The following PCDHA1 variants were observed in gnomAD, a reference collection of about 807,000 sequenced individuals.
PCDHA1 encodes the protein protocadherin alpha-1.
A neutral mutation model predicts 61.3 loss-of-function variants in PCDHA1; 42 were observed. The observed-to-expected ratio is 0.69, with a 90% CI of 0.54 to 0.89. PCDHA1 has a LOEUF of 0.89. Among genes scored for constraint, PCDHA1 ranks in the 40% least tolerant of loss-of-function variants. PCDHA1 has a pLI of 0.00. For synonymous variants in PCDHA1, 610 were observed against 553.8 expected (o/e 1.10, Z -1.43); for missense variants, 1,256 against 1,235.3 (o/e 1.02, Z -0.25).
chr5:140,841,767 A>T, intron 1 of PCDHA1: 1 of 1,613,616 alleles, frequency 6.2e-7, no homozygotes, highest in Non-Finnish European at 8.5e-7. Context: ...AGAATGCCAG[A>T]CTCTCGGTTT....
At chr5:140,836,494 T>A in intron 1 of PCDHA1, 4 of 1,613,852 alleles carry the variant, frequency 2.5e-6, no homozygotes, top group Non-Finnish European at 3.4e-6. Context: ...ATCATCGCCA[T>A]CTGCGCGGTG....
intron 1 of PCDHA1, among the ~76,000 whole-genome samples, chr5:140,937,563 G>T (rs986469529): frequency 2.0e-5 from 3 of 151,960 alleles, no homozygotes; most frequent in African/African-American, 7.3e-5. Flanking sequence ...GTTGCAGTGA[G>T]CTGGGATCGC....
chr5:140,952,743 C>T lies in PCDHA1; in HGVS notation c.2395-26206C>T, dbSNP rs146786879. Reference sequence around the variant, plus strand: ...TCTGTACTAGTCTTTTCTCACACTGCTATAAAAACACCTGAGACTGGATAA... The same window carrying T: ...TCTGTACTAGTCTTTTCTCACACTGTTATAAAAACACCTGAGACTGGATAA... On this transcript the variant is annotated intron_variant, in intron 1 of 3. Coordinates refer to ENST00000504120, the MANE Select transcript of PCDHA1 (RefSeq NM_018900.4). 8.6e-3 allele frequency among the ~76,000 whole-genome samples: 1,316 copies of T among 152,264 alleles called. 10 individuals are homozygous for T. Among genetic ancestry groups the T allele is most frequent in the Middle Eastern group, 0.014 (4 of 294 alleles).
At chr5:140,839,997 G>A (rs2150302530) in intron 1 of PCDHA1, among the ~76,000 whole-genome samples, 10 of 152,064 alleles carry the variant, frequency 6.6e-5, no homozygotes, top group Non-Finnish European at 1.5e-4. Context: ...GTTAGCCTTA[G>A]CACTGAGAAG....
chr5:140,926,592 C>A, intron 1 of PCDHA1: 1 of 298,858 alleles, frequency 3.3e-6, no homozygotes, highest in Non-Finnish European at 6.1e-6. Context: ...CGCGCCCGGG[C>A]GGGCGGCCTC....
At chr5:140,965,670 G>A (rs2095922284) in intron 1 of PCDHA1, among the ~76,000 whole-genome samples, 1 of 152,144 alleles carries the variant, frequency 6.6e-6, no homozygotes, top group Non-Finnish European at 1.5e-5. Flanking sequence ...GGTGATAAAT[G>A]TAAAAGATTT....
chr5:140,814,991 T>C (rs1243130141), intron 1 of PCDHA1: 2 of 152,234 alleles, frequency 1.3e-5, no homozygotes, highest in Admixed American at 1.3e-4. Flanking sequence ...TTTTGTGTGA[T>C]GTAGCTGTTT....
chr5:140,803,490 C>T (rs782376383), intron 1 of PCDHA1: 3 of 1,614,230 alleles, frequency 1.9e-6, no homozygotes, highest in Admixed American at 1.7e-5. Flanking sequence ...AGAGGGGTTG[C>T]CCAAGACCGA....
intron 1 of PCDHA1, chr5:140,863,190 G>A (rs782460122): frequency 1.3e-6 from 1 of 798,634 alleles, no homozygotes; most frequent in South Asian, 1.3e-5. Context: ...TCACCGTGGT[G>A]GCGTCGCTGG....
rs2150125952 is a variant in PCDHA1 at position 140,823,456 on chromosome 5, G to C, written c.2394+34772G>C. On this transcript the variant is annotated intron_variant, in intron 1 of 3. Transcript: ENST00000504120. ...GTTCGTGCTGGACGAGAACGACAAC[G>C]CGCCGGCGCTGCTGGTGCCTCGAGT... is the stretch of plus-strand genomic sequence containing the variant. The C allele has an allele frequency of 1.2e-6, 2 of 1,613,302 alleles. No individual in the cohort carries two copies. Among genetic ancestry groups the C allele is most frequent in the African/African-American group, 2.7e-5 (2 of 74,924 alleles).
At chr5:140,957,549 C>G (rs563057107) in intron 1 of PCDHA1, among the ~76,000 whole-genome samples, 1 of 152,156 alleles carries the variant, frequency 6.6e-6, no homozygotes, top group South Asian at 2.1e-4. Context: ...AAAGTATTCT[C>G]TGTGGAAAAG....
At chr5:140,967,123 C>T in intron 1 of PCDHA1, 1 of 1,612,724 alleles carries the variant, frequency 6.2e-7, no homozygotes, top group Non-Finnish European at 8.5e-7. Context: ...GCTGCCTGCT[C>T]AGCTTGGAAG....
At chr5:140,923,304 G>T (rs933906504) in intron 1 of PCDHA1, among the ~76,000 whole-genome samples, 2 of 152,172 alleles carry the variant, frequency 1.3e-5, no homozygotes, top group East Asian at 3.9e-4. Context: ...TGGGCGTGGG[G>T]GCGCTTGGCC....
At position 140,797,311 on chromosome 5, in the gene PCDHA1, G is replaced by T; in HGVS notation, c.2394+8627G>T. ...TAGCTTATCTCAAGGTCCAGACTCC[G>T]CAGAAGAGAAACAGCTCTCAGAATC... On this transcript the variant is annotated intron_variant, in intron 1 of 3. Coordinates refer to ENST00000504120, the MANE Select transcript of PCDHA1 (RefSeq NM_018900.4). 4 of 1,614,198 alleles carry T rather than the reference G, an allele frequency of 2.5e-6. No homozygotes were observed. In the Admixed American group the frequency reaches 5.0e-5, roughly 20 times the overall value.
At chr5:140,960,508 A>C (rs1026528724) in intron 1 of PCDHA1, among the ~76,000 whole-genome samples, 10 of 152,190 alleles carry the variant, frequency 6.6e-5, no homozygotes, top group Non-Finnish European at 1.3e-4. Context: ...TCCAAGCAGC[A>C]AACATAATGG....
intron 1 of PCDHA1, chr5:140,812,207 C>T (rs2126636246): frequency 9.9e-5 from 15 of 151,788 alleles, no homozygotes; most frequent in African/African-American, 3.4e-4. Context: ...CTAGTTACAG[C>T]TTTGTTTAGA....
At chr5:140,988,828 A>C (rs1554250455) in intron 3 of PCDHA1, 1 of 152,170 alleles carries the variant, frequency 6.6e-6, no homozygotes, top group Non-Finnish European at 1.5e-5. Flanking sequence ...CCAAACAGAG[A>C]TCACGTGTCT....
intron 1 of PCDHA1, among the ~76,000 whole-genome samples, chr5:140,940,317 A>G (rs782009825): frequency 1.5e-4 from 23 of 152,024 alleles, no homozygotes; most frequent in Non-Finnish European, 2.2e-4. Context: ...CTTTCTTCCA[A>G]TTTTACTAAT....
chr5:140,945,962 G>A (rs1049789327), intron 1 of PCDHA1, among the ~76,000 whole-genome samples: 1 of 152,002 alleles, frequency 6.6e-6, no homozygotes, highest in Non-Finnish European at 1.5e-5. Context: ...GAAAGCACAG[G>A]CAATAAAAGC....
Sources: allele counts gnomAD v4.1 joint callset (sites outside exome capture counted in the v4.1 genomes callset), GRCh38; gene constraint gnomAD v4.1.1; transcripts MANE v1.5; gene names NCBI Gene and HGNC (gene_info 2026-07-23, HGNC 2026-07-21).